Variants in SGSM3 observed in about 807,000 individuals in gnomAD.
The protein encoded by SGSM3 is small G protein signaling modulator 3, also known as RUN and SH3 containing 3.
A neutral mutation model predicts 100.5 loss-of-function variants in SGSM3; 96 were observed. The observed-to-expected ratio is 0.96, with a 90% CI of 0.81 to 1.13. SGSM3 has a LOEUF of 1.13. SGSM3 is among the 50% of genes most tolerant of loss of function. The probability of loss-of-function intolerance (pLI) is 0.00; values close to 1 mark genes in which losing one functional copy is unlikely to be tolerated. For missense variants in SGSM3, 1,001 were observed against 1,015.8 expected (o/e 0.99, Z 0.20); for synonymous variants, 483 against 422.8 (o/e 1.14, Z -1.75).
chr22:40,407,692 T>C lies in SGSM3; in HGVS notation c.1525-97T>C. ...TTCTCTTGTGAAGATGTAGGGGTCT[T>C]GGCCTGGCCTAGTTGCTGAGGAGTC... On this transcript the variant is annotated intron_variant, in intron 13 of 21. Coordinates refer to ENST00000248929, the MANE Select transcript of SGSM3 (RefSeq NM_015705.6). The surrounding 1 kb of genome is among the most constrained non-coding windows in gnomAD (Gnocchi z 4.7). The C allele has an allele frequency of 6.3e-7, 1 of 1,585,428 alleles. No individual in the cohort carries two copies.
At chr22:40,406,348 G>C (rs1425682154) in intron 9 of SGSM3, 90 bp from the exon 10 acceptor site, 5 of 1,496,020 alleles carry the variant, frequency 3.3e-6, no homozygotes, top group Non-Finnish European at 4.5e-6. Context: ...CAAGGCAAAC[G>C]GGTCCCTGAG....
chr22:40,393,033 A>T (rs967907045), intron 1 of SGSM3, among the ~76,000 whole-genome samples: 4 of 152,250 alleles, frequency 2.6e-5, no homozygotes, highest in Non-Finnish European at 5.9e-5. Context: ...TTTATGGATG[A>T]ATAATATAGT....
chr22:40,400,772 T>G lies in SGSM3; in HGVS notation c.-35T>G. 6.4e-7 allele frequency: 1 copy of G among 1,551,052 alleles called. No homozygotes were observed. The highest frequency in any genetic ancestry group is 8.7e-7 in the Non-Finnish European group (1 of 1,146,550). ...TAGCAGGATAGGAGACTTCTAAGAT[T>G]GGAGCTGCAGAAGACTTGCCAGCCC... On this transcript the variant is annotated 5_prime_UTR_variant, in exon 2 of 22. It adds an upstream start codon to the 5' untranslated region. Transcript: ENST00000248929.
intron 1 of SGSM3, among the ~76,000 whole-genome samples, chr22:40,371,586 TTTC>T (rs1410016958): frequency 2.6e-5 from 4 of 152,260 alleles, no homozygotes; most frequent in African/African-American, 9.6e-5. Flanking sequence ...GTTTCCCGCT[TTTC>T]TTGCTCTTTT....
intron 1 of SGSM3, among the ~76,000 whole-genome samples, chr22:40,391,589 C>G (rs559404136): frequency 6.6e-6 from 1 of 152,234 alleles, no homozygotes; most frequent in Admixed American, 6.5e-5. Context: ...CCAGCCTGGG[C>G]AACAGAGTGA....
intron 1 of SGSM3, among the ~76,000 whole-genome samples, chr22:40,376,085 G>A (rs768573883): frequency 6.3e-5 from 9 of 143,708 alleles, no homozygotes; most frequent in Middle Eastern, 4.0e-3. Context: ...TGAAAGAACA[G>A]ATCATTTCCC....
chr22:40,393,629 C>G (rs770424192), intron 1 of SGSM3, among the ~76,000 whole-genome samples: 3 of 152,204 alleles, frequency 2.0e-5, no homozygotes, highest in Non-Finnish European at 2.9e-5. Flanking sequence ...TCACCCACTC[C>G]TTGTCTTAGT....
At chr22:40,408,182 G>T in intron 15 of SGSM3, 62 bp downstream of exon 15, 1 of 1,608,450 alleles carries the variant, frequency 6.2e-7, no homozygotes, top group Non-Finnish European at 8.5e-7. Flanking sequence ...TGCGTGCCTA[G>T]CGAGTCCTGG....
At chr22:40,396,586 C>T in intron 1 of SGSM3, among the ~76,000 whole-genome samples, 1 of 115,470 alleles carries the variant, frequency 8.7e-6, no homozygotes, top group Non-Finnish European at 1.7e-5. Flanking sequence ...GAGTGAGACT[C>T]TGTCTCAAAA....
At chr22:40,406,990 C>A in intron 10 of SGSM3, 27 bp from the exon 11 acceptor site, 1 of 1,556,506 alleles carries the variant, frequency 6.4e-7, no homozygotes, top group Non-Finnish European at 8.7e-7. Flanking sequence ...GGGCCAGGAC[C>A]ACCCTGACCC....
At chr22:40,408,199 G>A in intron 15 of SGSM3, 78 bp from the exon 16 acceptor site, 1 of 1,607,690 alleles carries the variant, frequency 6.2e-7, no homozygotes, top group South Asian at 1.1e-5. Flanking sequence ...CTGGCCTGTA[G>A]CATGGCAGAG....
intron 4 of SGSM3, chr22:40,404,019 TAGG>T: frequency 2.5e-6 from 1 of 399,792 alleles, no homozygotes; most frequent in Non-Finnish European, 4.4e-6. Flanking sequence ...AGTACTATGG[TAGG>T]AGTGGCTTTG....
chr22:40,408,744 G>A (rs1441594715), intron 17 of SGSM3, 47 bp downstream of exon 17: 7 of 1,613,884 alleles, frequency 4.3e-6, no homozygotes, highest in Non-Finnish European at 4.2e-6. Flanking sequence ...CAGTGGGAGG[G>A]CGGGGCCTGA....
At chr22:40,408,008 G>C in intron 14 of SGSM3, 63 bp from the exon 15 acceptor site, 1 of 1,561,596 alleles carries the variant, frequency 6.4e-7, no homozygotes, top group East Asian at 2.3e-5. Context: ...CCTGCCTGCA[G>C]GCTGTGTCTG....
intron 1 of SGSM3, among the ~76,000 whole-genome samples, chr22:40,374,380 T>C (rs1317164808): frequency 6.6e-6 from 1 of 152,246 alleles, no homozygotes; most frequent in Non-Finnish European, 1.5e-5. Context: ...TGCTTAGGTA[T>C]ATACTTTTAG....
In SGSM3 at chr22:40,408,281, C is replaced by G; in HGVS notation, c.1634C>G (p.Ser545Cys). 3 of 1,613,514 alleles carry G rather than the reference C, an allele frequency of 1.9e-6. No homozygotes were observed. The highest frequency in any genetic ancestry group is 2.2e-5 in the South Asian group (2 of 91,064). ...CAGACCCATCCCTCCCATCAGTACT[C>G]CATCGCGGGGGATGACTCGGTGACG... ...EVLDERSKEY[S>C]IAGDDSVTEG... Residue 545 changes from serine to cysteine, a missense_variant, in exon 16 of 22, where the codon TCC becomes TGC. By Grantham distance (112) the Ser-to-Cys change is moderately radical. Transcript: ENST00000248929.
At chr22:40,374,194 C>T (rs557302068) in intron 1 of SGSM3, among the ~76,000 whole-genome samples, 65 of 152,154 alleles carry the variant, frequency 4.3e-4, no homozygotes, top group African/African-American at 1.4e-3. Context: ...CCTCGTGATC[C>T]GCCTGCCTCG....
At chr22:40,402,260 C>T in intron 4 of SGSM3, 55 bp downstream of exon 4, 1 of 1,362,504 alleles carries the variant, frequency 7.3e-7, no homozygotes, top group Non-Finnish European at 1.1e-6. Context: ...GGGGAGGACT[C>T]CGCTCCCTTG....
At chr22:40,382,969 T>C (rs17001869) in intron 1 of SGSM3, among the ~76,000 whole-genome samples, 3,506 of 152,310 alleles carry the variant, frequency 0.023, 131 homozygotes, top group African/African-American at 0.081. Context: ...TGAAGGTAGA[T>C]TTCTTCAGAA....
Sources: gnomAD v4.1 joint callset for allele counts (sites outside exome capture counted in the v4.1 genomes callset) on GRCh38, gnomAD v4.1.1 for gene constraint, Gnocchi (gnomAD v3.1) non-coding constraint, MANE v1.5 for transcripts, NCBI Gene and HGNC (gene_info 2026-07-23, HGNC 2026-07-21) for gene names.